FAM135A: variants seen among roughly 807,000 people sequenced by gnomAD.
The protein encoded by FAM135A is family with sequence similarity 135 member A, also known as protein FAM135A.
Under a neutral mutation model 146.8 loss-of-function variants are expected in FAM135A, and 79 were observed. The ratio of observed to expected loss-of-function variants is 0.54; its 90% confidence interval spans 0.45 to 0.65. The LOEUF is 0.65. Among genes scored for constraint, FAM135A ranks in the 30% least tolerant of loss-of-function variants. The pLI is 0.00. For missense variants in FAM135A, 1,623 were observed against 1,758.2 expected, an observed-to-expected ratio of 0.92 and a Z score of 1.38; for synonymous variants, 562 against 603.6, an observed-to-expected ratio of 0.93 and a Z score of 1.01.
chr6:70,554,988 A>C (rs1027477233), intron 20 of FAM135A, among the ~76,000 whole-genome samples: 3 of 152,228 alleles, frequency 2.0e-5, no homozygotes, highest in African/African-American at 7.2e-5. Context: ...GATTTAGCTC[A>C]TTCAATTTAT....
At chr6:70,471,666 G>A (rs1781640744) in intron 5 of FAM135A, among the ~76,000 whole-genome samples, 1 of 152,088 alleles carries the variant, frequency 6.6e-6, no homozygotes, top group Admixed American at 6.6e-5. Flanking sequence ...AAACCACCAT[G>A]CACACATTTG....
At chr6:70,443,091 A>G (rs932677004) in intron 4 of FAM135A, among the ~76,000 whole-genome samples, 3 of 152,180 alleles carry the variant, frequency 2.0e-5, no homozygotes, top group Admixed American at 6.5e-5. Context: ...GGTAAATGAC[A>G]CTTGTTTTTG....
chr6:70,448,744 C>A (rs1000733939), intron 4 of FAM135A, among the ~76,000 whole-genome samples: 11 of 152,188 alleles, frequency 7.2e-5, no homozygotes, highest in Admixed American at 7.2e-4. Flanking sequence ...ATTAGATTAA[C>A]TAAAAGTATC....
chr6:70,419,552 C>T (rs1022854632), intron 2 of FAM135A, among the ~76,000 whole-genome samples: 1 of 152,218 alleles, frequency 6.6e-6, no homozygotes, highest in Non-Finnish European at 1.5e-5. Flanking sequence ...TTTAGAACAT[C>T]TCTCTGTTCC....
chr6:70,417,651 T>G, intron 2 of FAM135A: 1 of 984,864 alleles, frequency 1.0e-6, no homozygotes. Flanking sequence ...CATTCATGAT[T>G]GTTTTTAGAG....
chr6:70,426,859 G>A lies in FAM135A; in HGVS notation c.-40+327G>A, dbSNP rs1013583321. The A allele has an allele frequency of 5.3e-5, 8 of 152,182 alleles. No individual in the cohort carries two copies. In the East Asian group the frequency reaches 1.3e-3, roughly 26 times the overall value. 9.4% of individuals were successfully genotyped at this position (152,182 alleles called of 1,614,324 possible). On this transcript the variant is annotated intron_variant, in intron 3 of 21. Transcript: ENST00000418814. ...AACCTGCCTGACTTTTTTCCTGGAG[G>A]GAGGCTTTATCTGTATTATACAGAA...
intron 20 of FAM135A, among the ~76,000 whole-genome samples, chr6:70,540,469 C>T (rs1042855894): frequency 6.6e-6 from 1 of 151,840 alleles, no homozygotes; most frequent in African/African-American, 2.4e-5. Context: ...GGACTACAGG[C>T]GCCCGCCACC....
At chr6:70,483,895 T>G (rs917461665) in intron 10 of FAM135A, among the ~76,000 whole-genome samples, 4 of 152,216 alleles carry the variant, frequency 2.6e-5, no homozygotes, top group African/African-American at 9.6e-5. Context: ...AGTGCACATT[T>G]GGAACCATTT....
At chr6:70,421,587 T>G (rs1160164278) in intron 2 of FAM135A, among the ~76,000 whole-genome samples, 1 of 152,208 alleles carries the variant, frequency 6.6e-6, no homozygotes, top group Non-Finnish European at 1.5e-5. Flanking sequence ...GCTTTTCACG[T>G]AAGTTTCTCA....
At chr6:70,502,604 A>C in intron 11 of FAM135A, 32 bp from the exon 12 acceptor site, 1 of 1,590,994 alleles carries the variant, frequency 6.3e-7, no homozygotes, top group Non-Finnish European at 8.6e-7. Context: ...AAATCTTGGG[A>C]AATAGTGAAA....
chr6:70,477,918 G>A (rs1782933226), intron 8 of FAM135A, among the ~76,000 whole-genome samples: 1 of 151,966 alleles, frequency 6.6e-6, no homozygotes, highest in Non-Finnish European at 1.5e-5. Context: ...TCCCAAATAA[G>A]TTAACAAAGA....
chr6:70,538,498 T>TA (rs1181911662), intron 20 of FAM135A, 97 bp downstream of exon 20: 55 of 613,606 alleles, frequency 9.0e-5, no homozygotes, highest in Non-Finnish European at 9.9e-5. Flanking sequence ...TTCTAGTGGT[T>TA]AAAAAAAAGT....
chr6:70,424,070 A>C (rs972969602), intron 2 of FAM135A, among the ~76,000 whole-genome samples: 1 of 152,220 alleles, frequency 6.6e-6, no homozygotes, highest in Non-Finnish European at 1.5e-5. Flanking sequence ...GCAGTGGATT[A>C]ATATCCTTAG....
At chr6:70,417,527 T>C (rs1460170215) in intron 2 of FAM135A, 1 of 838,082 alleles carries the variant, frequency 1.2e-6, no homozygotes, top group African/African-American at 1.8e-5. Context: ...TCTGGGACAT[T>C]TCTGTTAAGT....
At chr6:70,523,204 G>A (rs1336889622) in intron 13 of FAM135A, among the ~76,000 whole-genome samples, 2 of 152,210 alleles carry the variant, frequency 1.3e-5, no homozygotes, top group African/African-American at 4.8e-5. Context: ...GACTTGTGCT[G>A]GATTGGGAAG....
intron 20 of FAM135A, among the ~76,000 whole-genome samples, chr6:70,540,355 C>T (rs1482380442): frequency 8.1e-6 from 1 of 123,164 alleles, no homozygotes; most frequent in East Asian, 2.6e-4. Context: ...GACGGAGTCT[C>T]GCTCTGCCGC....
At chr6:70,549,449 A>G (rs997717700) in intron 20 of FAM135A, among the ~76,000 whole-genome samples, 7 of 152,152 alleles carry the variant, frequency 4.6e-5, no homozygotes, top group African/African-American at 1.7e-4. Context: ...ATACCAAGAA[A>G]GGAATTTGGG....
chr6:70,413,990 C>G (rs1766891679), intron 1 of FAM135A: 3 of 985,706 alleles, frequency 3.0e-6, no homozygotes, highest in Non-Finnish European at 3.6e-6. Context: ...TCGACCCGTT[C>G]TTCCTGAACC....
intron 11 of FAM135A, among the ~76,000 whole-genome samples, chr6:70,499,090 C>G (rs1420390984): frequency 6.6e-6 from 1 of 152,054 alleles, no homozygotes; most frequent in Admixed American, 6.5e-5. Flanking sequence ...AAGACTCCTA[C>G]TATTATTGTG....
Sources: gnomAD v4.1 joint callset for allele counts (sites outside exome capture counted in the v4.1 genomes callset) on GRCh38, gnomAD v4.1.1 for gene constraint, MANE v1.5 for transcripts, NCBI Gene and HGNC (gene_info 2026-07-23, HGNC 2026-07-21) for gene names.